DNAH7: variants seen among roughly 807,000 people sequenced by gnomAD.
The protein encoded by DNAH7 is dynein axonemal heavy chain 7, also known as axonemal beta dynein heavy chain 7.
A neutral mutation model predicts 444.6 loss-of-function variants in DNAH7; 397 were observed. The ratio of observed to expected loss-of-function variants is 0.89; its 90% confidence interval spans 0.82 to 0.97. The LOEUF (loss-of-function observed/expected upper bound fraction) is 0.97, where lower values mean the gene tolerates loss of function less well. DNAH7 is among the 50% of genes least tolerant of loss of function. DNAH7 has a pLI of 0.00. For missense variants in DNAH7, 4,902 were observed against 4,800.8 expected (o/e 1.02, Z -0.62); for synonymous variants, 1,636 against 1,624.4 (o/e 1.01, Z -0.17).
intron 24 of DNAH7, among the ~76,000 whole-genome samples, chr2:195,919,930 T>C (rs747924601): frequency 1.1e-4 from 17 of 152,144 alleles, no homozygotes; most frequent in Non-Finnish European, 2.1e-4. Context: ...TAGGCTTGTG[T>C]ATAGCAAGCT....
At chr2:195,757,840 A>C (rs921177454) in intron 61 of DNAH7, among the ~76,000 whole-genome samples, 1 of 152,214 alleles carries the variant, frequency 6.6e-6, no homozygotes, top group Non-Finnish European at 1.5e-5. Context: ...GGGCAGTGTT[A>C]AAGATCATTA....
chr2:195,809,793 C>A lies in DNAH7; in HGVS notation c.9840G>T (p.Leu3280=). The change falls in exon 52 of 65, where the codon CTG becomes CTT. Residue 3280 remains leucine (L), a synonymous_variant. Transcript: ENST00000312428. ...TTATGGTTAGACAAAAGGAAAAGAGCAGCTTATCCTTTTCAAAGAGTGACC... is the reference window on the plus strand; with the variant it reads ...TTATGGTTAGACAAAAGGAAAAGAGAAGCTTATCCTTTTCAAAGAGTGACC... ...VCRSLFEKDK[L]LFSFCLTINL... 1.3e-6 allele frequency: 2 copies of A among 1,598,068 alleles called. No individual in the cohort carries two copies. Among genetic ancestry groups the A allele is most frequent in the South Asian group, 2.3e-5 (2 of 88,542 alleles).
chr2:195,788,299 C>T (rs762273572), intron 57 of DNAH7, among the ~76,000 whole-genome samples: 27 of 152,184 alleles, frequency 1.8e-4, no homozygotes, highest in Non-Finnish European at 3.4e-4. Context: ...AGAAAGATGC[C>T]AACTCCATCT....
rs761292636 is a variant in DNAH7 at position 196,001,810 on chromosome 2, CTTTT to C, written c.1034_1037del (p.Lys345SerfsTer23). 6.2e-7 allele frequency: 1 copy of C among 1,611,276 alleles called. No individual in the cohort carries two copies. The highest frequency in any genetic ancestry group is 8.5e-7 in the Non-Finnish European group (1 of 1,178,890). On this transcript the variant is annotated frameshift_variant, in exon 11 of 65. Coordinates refer to ENST00000312428, the MANE Select transcript of DNAH7 (RefSeq NM_018897.3). LOFTEE classifies it high-confidence loss of function. ...CACTGCTGTCACCAGTTGGCAATTG[CTTTT>C]TTTTATTACCTTGGTAATAAATATT...
chr2:195,803,230 G>T (rs552679750), intron 54 of DNAH7, among the ~76,000 whole-genome samples: 14 of 152,176 alleles, frequency 9.2e-5, no homozygotes, highest in Non-Finnish European at 1.5e-4. Context: ...AAAATGAAAA[G>T]AACATGGGTT....
chr2:195,934,594 G>A lies in DNAH7; in HGVS notation c.3468C>T (p.His1156=). ...ELERVMINSI[H]KVTGDATFAY... ...AATCATCAGTATAATCAGCTACCTTGTGGATGGAGTTAATCATAACTCTCT... is the reference window on the plus strand; with the variant it reads ...AATCATCAGTATAATCAGCTACCTTATGGATGGAGTTAATCATAACTCTCT... The change falls in exon 21 of 65, where the codon CAC becomes CAT. Residue 1156 remains histidine (H), a synonymous_variant. Transcript: ENST00000312428. The A allele has an allele frequency of 1.2e-6, 2 of 1,613,804 alleles. No individual in the cohort carries two copies. Among genetic ancestry groups the A allele is most frequent in the Non-Finnish European group, 1.7e-6 (2 of 1,179,766 alleles).
chr2:195,860,470 G>A (rs912746203), intron 42 of DNAH7, among the ~76,000 whole-genome samples: 24 of 151,978 alleles, frequency 1.6e-4, no homozygotes, highest in Admixed American at 1.1e-3. Context: ...CAGTCACGGT[G>A]GGCACTGCCG....
rs560670850 is a variant in DNAH7 at position 195,747,434 on chromosome 2, T to C, written c.11765-6565A>G. Among the ~76,000 whole-genome samples, 3 of 152,312 alleles carry C rather than the reference T, an allele frequency of 2.0e-5. No homozygotes were observed. In the East Asian group the frequency reaches 5.8e-4, roughly 29 times the overall value. ...ACAAGGAGGAACTGGTACCATTCCT[T>C]CTGAAACTATTCCAATCAATAGAGA... is the stretch of plus-strand genomic sequence containing the variant. On this transcript the variant is annotated intron_variant, in intron 63 of 64. Coordinates refer to ENST00000312428, the MANE Select transcript of DNAH7 (RefSeq NM_018897.3).
chr2:195,842,568 G>A (rs1227799040), intron 47 of DNAH7, among the ~76,000 whole-genome samples: 2 of 152,078 alleles, frequency 1.3e-5, no homozygotes, highest in African/African-American at 4.8e-5. Flanking sequence ...AATATATTGG[G>A]AAAAGAAGCC....
Position 195,888,831 on chromosome 2 carries a change from G to A in DNAH7, c.5197C>T (p.Pro1733Ser). The A allele has an allele frequency of 1.2e-6, 2 of 1,612,444 alleles. No homozygotes were observed. Among genetic ancestry groups the A allele is most frequent in the Non-Finnish European group, 1.7e-6 (2 of 1,179,438 alleles). Residue 1733 changes from proline (P) to serine (S), a missense_variant, in exon 32 of 65, where the codon CCA (proline) becomes TCA (serine). Pro to Ser is a moderately conservative substitution (Grantham distance 74). Transcript: ENST00000312428. The stretch of plus-strand genomic sequence containing the variant: ...GGGGAAGCAACTTCTAAATCCATTG[G>A]CTCAAAAATTAGATTCATTTGTGGT... ...MSPQMNLIFEPMDLEVASPAT... is the reference protein window; with the variant it reads ...MSPQMNLIFESMDLEVASPAT...
intron 63 of DNAH7, among the ~76,000 whole-genome samples, chr2:195,745,107 T>C (rs566091302): frequency 2.0e-5 from 3 of 152,190 alleles, no homozygotes; most frequent in African/African-American, 7.2e-5. Context: ...AAAACTTTGA[T>C]AAAAATTTAG....
At chr2:195,918,864 T>C (rs2125336520) in intron 24 of DNAH7, among the ~76,000 whole-genome samples, 1 of 152,318 alleles carries the variant, frequency 6.6e-6, no homozygotes, top group Non-Finnish European at 1.5e-5. Flanking sequence ...TACAACGCAG[T>C]AGACCCTGAT....
chr2:195,757,762 A>G (rs1057122070), intron 61 of DNAH7, among the ~76,000 whole-genome samples: 1 of 152,220 alleles, frequency 6.6e-6, no homozygotes, highest in Non-Finnish European at 1.5e-5. Context: ...TCAACCAGAC[A>G]TACACTGCAC....
At chr2:195,853,738 G>T (rs954649242) in intron 45 of DNAH7, among the ~76,000 whole-genome samples, 1 of 151,932 alleles carries the variant, frequency 6.6e-6, no homozygotes, top group Admixed American at 6.6e-5. Flanking sequence ...AATAATGAAT[G>T]AATATTTACC....
chr2:195,738,355 A>C (rs1286010170), intron 64 of DNAH7, among the ~76,000 whole-genome samples: 3 of 152,044 alleles, frequency 2.0e-5, no homozygotes, highest in Non-Finnish European at 1.5e-5. Context: ...TTTTCTACCT[A>C]TTTATCTCTC....
intron 5 of DNAH7, among the ~76,000 whole-genome samples, chr2:196,036,278 T>G (rs951835187): frequency 1.3e-5 from 2 of 151,976 alleles, no homozygotes; most frequent in Non-Finnish European, 2.9e-5. Context: ...AGGTGATCTG[T>G]CCACCTCAGC....
intron 31 of DNAH7, among the ~76,000 whole-genome samples, chr2:195,891,091 G>T (rs551346087): frequency 6.6e-6 from 1 of 152,288 alleles, no homozygotes; most frequent in African/African-American, 2.4e-5. Context: ...GCCAGGAGTA[G>T]GTTAAGTGCC....
intron 5 of DNAH7, among the ~76,000 whole-genome samples, chr2:196,035,019 T>C (rs1422611339): frequency 6.6e-6 from 1 of 152,096 alleles, no homozygotes; most frequent in Non-Finnish European, 1.5e-5. Context: ...TCATCTCTAC[T>C]AAAAATACAA....
intron 30 of DNAH7, chr2:195,892,944 T>G (rs1702099137): frequency 6.6e-6 from 1 of 150,410 alleles, no homozygotes; most frequent in African/African-American, 2.4e-5. Context: ...AATATTAACC[T>G]TTTTTTTTCT....
Sources: allele counts gnomAD v4.1 joint callset (sites outside exome capture counted in the v4.1 genomes callset), GRCh38; gene constraint gnomAD v4.1.1; transcripts MANE v1.5; gene names NCBI Gene and HGNC (gene_info 2026-07-23, HGNC 2026-07-21).